The following TNNT2 variants were observed in gnomAD, a reference collection of about 807,000 sequenced individuals.
TNNT2 encodes the protein troponin T, cardiac muscle.
TNNT2 carries 34 observed loss-of-function variants against 62.4 expected under a neutral mutation model. That is an observed-to-expected ratio of 0.54 (90% CI 0.41 to 0.72). TNNT2 has a LOEUF of 0.72. TNNT2 is among the 30% of genes least tolerant of loss of function. The probability of loss-of-function intolerance (pLI) is 0.00; values close to 1 mark genes in which losing one functional copy is unlikely to be tolerated. For synonymous variants in TNNT2, 123 were observed against 127.2 expected, an observed-to-expected ratio of 0.97 and a Z score of 0.22; for missense variants, 275 against 381.9, an observed-to-expected ratio of 0.72 and a Z score of 2.33.
At chr1:201,372,563 T>C (rs1660799077) in intron 2 of TNNT2, among the ~76,000 whole-genome samples, 1 of 152,172 alleles carries the variant, frequency 6.6e-6, no homozygotes, top group South Asian at 2.1e-4. Flanking sequence ...GATCTCCCTC[T>C]CCTCAGAACT....
At chr1:201,377,577 T>C (rs1661580366) in intron 1 of TNNT2, 46 bp downstream of exon 1, 1 of 456,114 alleles carries the variant, frequency 2.2e-6, no homozygotes, top group Non-Finnish European at 4.4e-6. Context: ...CATCTCCCCG[T>C]CCATTCTCTG....
Position 201,362,657 on chromosome 1 carries a change from T to G in TNNT2, c.601-263A>C, listed in dbSNP as rs534678847. Among the ~76,000 whole-genome samples the G allele has an allele frequency of 1.6e-3, 245 of 152,252 alleles. 5 individuals are homozygous for G. In the South Asian group the frequency reaches 0.046, roughly 28 times the overall value. On this transcript the variant is annotated intron_variant, in intron 12 of 16. Transcript: ENST00000656932. ...GGCAGGGGGTGGCCTAGTCCTGAGCTAGGGACTAAGCTGGAAATCTAAGAA... is the reference window on the plus strand; with the variant it reads ...GGCAGGGGGTGGCCTAGTCCTGAGCGAGGGACTAAGCTGGAAATCTAAGAA...
intron 2 of TNNT2, 187 bp downstream of exon 2, chr1:201,373,027 T>C: frequency 1.4e-6 from 1 of 731,548 alleles, no homozygotes; most frequent in Non-Finnish European, 2.5e-6. Context: ...GCCTGTGCTC[T>C]GCCTGGGATC....
At chr1:201,368,929 C>A (rs566050067) in intron 5 of TNNT2, among the ~76,000 whole-genome samples, 1 of 152,302 alleles carries the variant, frequency 6.6e-6, no homozygotes, top group South Asian at 2.1e-4. Flanking sequence ...GGCCTTCATT[C>A]CCTCTGTCCT....
In TNNT2 at chr1:201,369,857, G is replaced by T; in HGVS notation, c.68-12C>A. 1 of 1,614,202 alleles carries T rather than the reference G, an allele frequency of 6.2e-7. No homozygotes were observed. The highest frequency in any genetic ancestry group is 8.5e-7 in the Non-Finnish European group (1 of 1,180,044). On this transcript the variant is annotated splice_polypyrimidine_tract_variant and intron_variant, in intron 4 of 16. Transcript: ENST00000656932. ...CCAGTCCTCCTCTTCTGAGGTTCAG[G>T]GAGTGGCCGCAGCGGAGGGGAAAAG...
chr1:201,373,403 T>C, intron 1 of TNNT2, 135 bp from the exon 2 acceptor site: 1 of 796,650 alleles, frequency 1.3e-6, no homozygotes, highest in Non-Finnish European at 2.1e-6. Context: ...CTGTGTGACC[T>C]GCAACAAAAA....
chr1:201,376,522 A>G (rs1020008044), intron 1 of TNNT2, among the ~76,000 whole-genome samples: 2 of 152,282 alleles, frequency 1.3e-5, no homozygotes, highest in Admixed American at 6.5e-5. Flanking sequence ...GAGGGCAGGA[A>G]GAGTGGAAGT....
chr1:201,364,104 G>A (rs1390183939), intron 11 of TNNT2, 194 bp downstream of exon 11: 11 of 602,192 alleles, frequency 1.8e-5, no homozygotes, highest in Non-Finnish European at 2.9e-5. Context: ...GGATGGTCTC[G>A]AACTCCCAAC....
intron 10 of TNNT2, among the ~76,000 whole-genome samples, chr1:201,364,721 C>T (rs1170846720): frequency 6.6e-6 from 1 of 152,226 alleles, no homozygotes; most frequent in East Asian, 1.9e-4. Context: ...CAAGTCATTG[C>T]TCCAGCCAGA....
At chr1:201,369,051 C>T (rs557236399) in intron 5 of TNNT2, among the ~76,000 whole-genome samples, 2 of 152,222 alleles carry the variant, frequency 1.3e-5, no homozygotes, top group South Asian at 2.1e-4. Context: ...AGAGGGCTAG[C>T]GAGGAAGGAC....
Position 201,365,649 on chromosome 1 carries a change from C to T in TNNT2, c.255G>A (p.Val85=), listed in dbSNP as rs780115529. 8.1e-6 allele frequency: 13 copies of T among 1,613,910 alleles called. No homozygotes were observed. Among genetic ancestry groups the T allele is most frequent in the Non-Finnish European group, 1.1e-5 (13 of 1,179,992 alleles). The part of the protein sequence containing the change: ...PKPRSFMPNL[V]PPKIPDGERV... Reference sequence around the variant, plus strand: ...TCTCTCCATCGGGGATCTTGGGAGGCACCAAGTTGGGCATGAACGACCTGT... The same window carrying T: ...TCTCTCCATCGGGGATCTTGGGAGGTACCAAGTTGGGCATGAACGACCTGT... Residue 85 remains valine, a synonymous_variant, in exon 9 of 17, where the codon GTG becomes GTA. Coordinates refer to ENST00000656932, the MANE Select transcript of TNNT2 (RefSeq NM_001276345.2).
chr1:201,371,273 C>G (rs1333824536), intron 4 of TNNT2, among the ~76,000 whole-genome samples: 2 of 152,146 alleles, frequency 1.3e-5, no homozygotes, highest in Non-Finnish European at 2.9e-5. Context: ...GCCAAGCTCT[C>G]AGGAAGAAGG....
At position 201,369,971 on chromosome 1, in the gene TNNT2, C is replaced by A; in HGVS notation, c.68-126G>T. 5.8e-6 allele frequency: 6 copies of A among 1,042,034 alleles called. 1 individual carries two copies. In the South Asian group the frequency reaches 8.0e-5, roughly 14 times the overall value. 64.5% of individuals were successfully genotyped at this position (1,042,034 alleles called of 1,614,324 possible). The stretch of plus-strand genomic sequence containing the variant: ...TAAGAGTGTGGGCTTTGGAGTTAGG[C>A]CGGCATTCCAATTCCCAAGCCACTA... On this transcript the variant is annotated intron_variant, in intron 4 of 16. Transcript: ENST00000656932.
chr1:201,372,265 C>A, intron 2 of TNNT2, 110 bp from the exon 3 acceptor site: 3 of 1,539,520 alleles, frequency 1.9e-6, no homozygotes, highest in Non-Finnish European at 2.7e-6. Flanking sequence ...ATCCCCCTTT[C>A]TTTTCCCTTG....
chr1:201,372,106 C>T (rs1553286374), intron 3 of TNNT2, 39 bp downstream of exon 3: 1 of 1,614,160 alleles, frequency 6.2e-7, no homozygotes, highest in Non-Finnish European at 8.5e-7. Flanking sequence ...TCGAACCAGG[C>T]TGTCTTTGAT....
At position 201,373,005 on chromosome 1, in the gene TNNT2, C is replaced by T. The variant is rs184643162; in HGVS notation, c.41+209G>A. ...CCTGGAGCTGAACCTCTGTGCTTCC[C>T]GAAGTCTCTCGGCCTGTGCTCTGCC... is the stretch of plus-strand genomic sequence containing the variant. On this transcript the variant is annotated intron_variant, in intron 2 of 16. Transcript: ENST00000656932. 2.0e-5 allele frequency: 14 copies of T among 691,092 alleles called. No homozygotes were observed. The East Asian group carries it at 3.0e-4, about 15-fold the overall frequency. 42.8% of individuals were successfully genotyped at this position (691,092 alleles called of 1,614,324 possible). A position where few individuals can be genotyped will look rare whatever the true frequency, so the allele number is the denominator to read the frequency against.
chr1:201,364,835 T>G (rs1025888643), intron 10 of TNNT2, among the ~76,000 whole-genome samples: 2 of 152,048 alleles, frequency 1.3e-5, no homozygotes, highest in African/African-American at 4.8e-5. Flanking sequence ...CAGGTCACAC[T>G]CCCCTTCATC....
intron 6 of TNNT2, 150 bp from the exon 7 acceptor site, chr1:201,367,956 A>G: frequency 1.9e-6 from 2 of 1,074,822 alleles, no homozygotes; most frequent in Non-Finnish European, 2.9e-6. Flanking sequence ...TCACACACAC[A>G]TTCCCCTGGA....
chr1:201,366,483 C>A, intron 8 of TNNT2: 1 of 1,177,616 alleles, frequency 8.5e-7, no homozygotes. Context: ...TTGTTTGGCT[C>A]CCCACAATTT....
Sources: allele counts gnomAD v4.1 joint callset (sites outside exome capture counted in the v4.1 genomes callset), GRCh38; gene constraint gnomAD v4.1.1; transcripts MANE v1.5; gene names NCBI Gene and HGNC (gene_info 2026-07-23, HGNC 2026-07-21).